The following UNC5C variants were observed in gnomAD, a reference collection of about 807,000 sequenced individuals.
UNC5C encodes the protein unc-5 netrin receptor C, also known as netrin receptor UNC5C.
In UNC5C, 47 loss-of-function variants were observed where a neutral mutation model predicts 99.8. That is an observed-to-expected ratio of 0.47 (90% CI 0.37 to 0.60). The LOEUF (loss-of-function observed/expected upper bound fraction) is 0.60. Among genes scored for constraint, UNC5C ranks in the 20% least tolerant of loss-of-function variants. The pLI, the probability that UNC5C is intolerant of heterozygous loss-of-function variation, is 0.00. For missense variants in UNC5C, 1,062 were observed against 1,165.9 expected (o/e 0.91, Z 1.30); for synonymous variants, 487 against 452.2 (o/e 1.08, Z -0.98).
intron 1 of UNC5C, among the ~76,000 whole-genome samples, chr4:95,392,398 A>C (rs1205134083): frequency 1.3e-5 from 2 of 151,340 alleles, no homozygotes; most frequent in Non-Finnish European, 2.9e-5. Flanking sequence ...ATACTTAACA[A>C]AGGAATTTTT....
intron 3 of UNC5C, among the ~76,000 whole-genome samples, chr4:95,286,093 T>C (rs774341691): frequency 6.6e-6 from 1 of 152,178 alleles, no homozygotes; most frequent in Non-Finnish European, 1.5e-5. Context: ...ATGCCTAGCA[T>C]ATAGTAAGTG....
intron 1 of UNC5C, among the ~76,000 whole-genome samples, chr4:95,478,124 A>G (rs1301846932): frequency 6.6e-6 from 1 of 151,992 alleles, no homozygotes; most frequent in Non-Finnish European, 1.5e-5. Context: ...ACAAGTCTTT[A>G]TTAGTCCTTA....
At chr4:95,411,983 GT>G (rs113321414) in intron 1 of UNC5C, among the ~76,000 whole-genome samples, 2,874 of 137,932 alleles carry the variant, frequency 0.021, 66 homozygotes, top group African/African-American at 0.062. Context: ...GCTGTGGAAT[GT>G]TTTTTTTTTT....
chr4:95,381,643 CTTAA>C (rs1745075129), intron 1 of UNC5C, among the ~76,000 whole-genome samples: 2 of 151,738 alleles, frequency 1.3e-5, no homozygotes, highest in Admixed American at 6.6e-5. Context: ...AATTGTACCA[CTTAA>C]TTATTTGATA....
At chr4:95,283,478 C>T (rs558593458) in intron 3 of UNC5C, among the ~76,000 whole-genome samples, 3 of 152,280 alleles carry the variant, frequency 2.0e-5, no homozygotes, top group East Asian at 3.9e-4. Context: ...ATATCGCGGC[C>T]GTGCAGCACA....
intron 1 of UNC5C, among the ~76,000 whole-genome samples, chr4:95,416,090 T>A (rs1341833671): frequency 6.6e-6 from 1 of 152,040 alleles, no homozygotes; most frequent in Non-Finnish European, 1.5e-5. Flanking sequence ...TTTGTGAATG[T>A]TCGGAGGGCA....
At chr4:95,274,458 C>T (rs1025064249) in intron 4 of UNC5C, among the ~76,000 whole-genome samples, 3 of 152,206 alleles carry the variant, frequency 2.0e-5, no homozygotes, top group South Asian at 2.1e-4. Context: ...GGAGAACAGA[C>T]GAAGGAGCAG....
chr4:95,510,874 T>C (rs1722052865), intron 1 of UNC5C, among the ~76,000 whole-genome samples: 1 of 152,158 alleles, frequency 6.6e-6, no homozygotes, highest in South Asian at 2.1e-4. Context: ...GTCCCTTCTT[T>C]TACTGGGCAG....
intron 12 of UNC5C, among the ~76,000 whole-genome samples, chr4:95,193,166 T>G (rs941451644): frequency 2.0e-5 from 3 of 152,188 alleles, no homozygotes; most frequent in African/African-American, 7.2e-5. Context: ...CACAGAACCA[T>G]GCATTGGCTG....
intron 12 of UNC5C, among the ~76,000 whole-genome samples, chr4:95,197,638 G>A (rs1357198570): frequency 1.8e-4 from 27 of 152,142 alleles, no homozygotes; most frequent in Admixed American, 1.8e-3. Flanking sequence ...CTTCCTGAGA[G>A]CAGAAGATAC....
Position 95,169,306 on chromosome 4 carries a change from C to G in UNC5C, c.2724G>C (p.Met908Ile). Residue 908 changes from methionine (M) to isoleucine (I), a missense_variant, in exon 16 of 16, where the codon ATG becomes ATC. Transcript: ENST00000453304. ...CCATTTCTTCCAAGACAGCTGCCAG[C>G]ATGCTCAGGTTTCCATCTGGGAAGT... ...AQNFPDGNLS[M>I]LAAVLEEMGR... The G allele has an allele frequency of 6.2e-7, 1 of 1,614,220 alleles. No homozygotes were observed. The highest frequency in any genetic ancestry group is 2.2e-5 in the East Asian group (1 of 44,878).
chr4:95,464,624 C>T (rs763305726), intron 1 of UNC5C, among the ~76,000 whole-genome samples: 3 of 152,118 alleles, frequency 2.0e-5, no homozygotes, highest in East Asian at 1.9e-4. Context: ...TGATAATTTC[C>T]GAACATCATA....
intron 1 of UNC5C, among the ~76,000 whole-genome samples, chr4:95,404,983 A>G (rs1336812193): frequency 1.3e-5 from 2 of 152,140 alleles, no homozygotes; most frequent in African/African-American, 2.4e-5. Context: ...TTCCCACTCC[A>G]TGCCCCCCTT....
At chr4:95,497,784 G>A (rs1721669616) in intron 1 of UNC5C, among the ~76,000 whole-genome samples, 1 of 151,886 alleles carries the variant, frequency 6.6e-6, no homozygotes, top group South Asian at 2.1e-4. Context: ...AAGGTGAAAA[G>A]CATAATAAGA....
chr4:95,250,719 G>A, intron 4 of UNC5C, 52 bp from the exon 5 acceptor site: 1 of 1,569,516 alleles, frequency 6.4e-7, no homozygotes, highest in South Asian at 1.2e-5. Flanking sequence ...TCCCCTGATG[G>A]CTGTCTGTCC....
chr4:95,452,226 G>A (rs1747298526), intron 1 of UNC5C, among the ~76,000 whole-genome samples: 1 of 151,408 alleles, frequency 6.6e-6, no homozygotes, highest in African/African-American at 2.4e-5. Flanking sequence ...TTGAAATCCT[G>A]CAGTCAACTC....
chr4:95,272,593 T>C (rs1393941304), intron 4 of UNC5C, among the ~76,000 whole-genome samples: 1 of 152,216 alleles, frequency 6.6e-6, no homozygotes, highest in Non-Finnish European at 1.5e-5. Flanking sequence ...AGGAGGTGAC[T>C]TTGGCGAATG....
intron 4 of UNC5C, among the ~76,000 whole-genome samples, chr4:95,269,972 C>A (rs1280001123): frequency 6.6e-6 from 1 of 152,102 alleles, no homozygotes; most frequent in Admixed American, 6.5e-5. Flanking sequence ...GCCTCAGGCT[C>A]CCAAAGTGCT....
At chr4:95,425,124 C>T (rs1045054182) in intron 1 of UNC5C, among the ~76,000 whole-genome samples, 1 of 152,062 alleles carries the variant, frequency 6.6e-6, no homozygotes, top group Admixed American at 6.6e-5. Context: ...TTGCCTTTCC[C>T]CTCTAGAAGG....
Sources: gnomAD v4.1 joint callset for allele counts (sites outside exome capture counted in the v4.1 genomes callset) on GRCh38, gnomAD v4.1.1 for gene constraint, MANE v1.5 for transcripts, NCBI Gene and HGNC (gene_info 2026-07-23, HGNC 2026-07-21) for gene names.